GALNT13: variants seen among roughly 807,000 people sequenced by gnomAD.
GALNT13 encodes the protein polypeptide N-acetylgalactosaminyltransferase 13, also known as UDP-GalNAc:polypeptide N-acetylgalactosaminyltransferase 13.
Under a neutral mutation model 64.2 loss-of-function variants are expected in GALNT13, and 28 were observed. The ratio of observed to expected loss-of-function variants is 0.44; its 90% confidence interval spans 0.32 to 0.60. The LOEUF is 0.60. Among genes scored for constraint, GALNT13 ranks in the 20% least tolerant of loss-of-function variants. The pLI is 0.05. For missense variants in GALNT13, 577 were observed against 669.8 expected (o/e 0.86, Z 1.53); for synonymous variants, 214 against 224.6 (o/e 0.95, Z 0.42).
At chr2:153,748,407 A>T in the GALNT13 span, among the ~76,000 whole-genome samples, 1 of 152,048 alleles carries the variant, frequency 6.6e-6, no homozygotes, top group East Asian at 1.9e-4. Flanking sequence ...AGTGTACAAG[A>T]GTTCCCTTTT....
chr2:153,646,469 A>G, the GALNT13 span, among the ~76,000 whole-genome samples: 1 of 141,626 alleles, frequency 7.1e-6, no homozygotes. Context: ...ATATATATAT[A>G]TATTTTATTA....
intron 9 of GALNT13, among the ~76,000 whole-genome samples, chr2:154,382,585 T>C (rs543714697): frequency 1.1e-4 from 17 of 152,116 alleles, no homozygotes; most frequent in Non-Finnish European, 1.3e-4. Context: ...AAACTCATGG[T>C]TATTGAAATT....
intron 4 of GALNT13, among the ~76,000 whole-genome samples, chr2:154,180,985 C>G (rs1685929172): frequency 6.6e-6 from 1 of 152,128 alleles, no homozygotes; most frequent in Non-Finnish European, 1.5e-5. Flanking sequence ...TCCACAGCCA[C>G]CGGTGAGTGG....
At chr2:153,979,160 G>A (rs1336779437) in intron 3 of GALNT13, among the ~76,000 whole-genome samples, 1 of 151,910 alleles carries the variant, frequency 6.6e-6, no homozygotes, top group Non-Finnish European at 1.5e-5. Flanking sequence ...TCCAAGAAAA[G>A]CTCACACACA....
intron 9 of GALNT13, among the ~76,000 whole-genome samples, chr2:154,349,914 G>A (rs707029): frequency 0.99 from 151,487 of 152,318 alleles, 75,334 homozygotes; most frequent in Middle Eastern, 1. Flanking sequence ...GAGGAGTCCA[G>A]TGGAAGTATC....
At chr2:153,261,496 ACT>A in the GALNT13 span, among the ~76,000 whole-genome samples, 2 of 151,828 alleles carry the variant, frequency 1.3e-5, no homozygotes, top group Non-Finnish European at 2.9e-5. Context: ...CCAGGTAGAG[ACT>A]CTTGTTTTCT....
At chr2:153,236,555 C>T in the GALNT13 span, among the ~76,000 whole-genome samples, 1 of 152,062 alleles carries the variant, frequency 6.6e-6, no homozygotes, top group Non-Finnish European at 1.5e-5. Flanking sequence ...ATCTATTCTC[C>T]TTGCATGTGC....
chr2:153,847,252 A>G, the GALNT13 span, among the ~76,000 whole-genome samples: 2 of 152,142 alleles, frequency 1.3e-5, no homozygotes, highest in Non-Finnish European at 2.9e-5. Flanking sequence ...TTATATAGAA[A>G]GAATTACGAG....
At chr2:154,118,058 A>AT (rs1302722833) in intron 3 of GALNT13, among the ~76,000 whole-genome samples, 1 of 152,176 alleles carries the variant, frequency 6.6e-6, no homozygotes, top group Non-Finnish European at 1.5e-5. Context: ...TTTTGAACCA[A>AT]TTACTCCCTT....
At chr2:153,745,267 G>A in the GALNT13 span, among the ~76,000 whole-genome samples, 1 of 152,092 alleles carries the variant, frequency 6.6e-6, no homozygotes, top group Admixed American at 6.6e-5. Context: ...AACAGGTTAT[G>A]TACAAAAAAG....
intron 9 of GALNT13, among the ~76,000 whole-genome samples, chr2:154,320,818 G>A (rs945697355): frequency 2.2e-4 from 34 of 152,078 alleles, no homozygotes; most frequent in Non-Finnish European, 4.6e-4. Context: ...ATCTTTCTCT[G>A]TATAAACCTA....
chr2:153,345,705 CTT>C, the GALNT13 span, among the ~76,000 whole-genome samples: 1 of 89,004 alleles, frequency 1.1e-5, no homozygotes, highest in Non-Finnish European at 2.4e-5. Context: ...CTTTCTTTCT[CTT>C]TCTCTCTTTC....
chr2:154,127,091 A>AT (rs1437993263), intron 3 of GALNT13, among the ~76,000 whole-genome samples: 1 of 152,192 alleles, frequency 6.6e-6, no homozygotes, highest in Non-Finnish European at 1.5e-5. Flanking sequence ...TTTAAAAAAA[A>AT]GTTTCATATT....
the GALNT13 span, among the ~76,000 whole-genome samples, chr2:153,393,456 A>G: frequency 6.6e-6 from 1 of 152,098 alleles, no homozygotes; most frequent in Non-Finnish European, 1.5e-5. Context: ...TCCAACCATT[A>G]GGAAAAGTTT....
chr2:153,658,969 C>T, the GALNT13 span, among the ~76,000 whole-genome samples: 1 of 151,988 alleles, frequency 6.6e-6, no homozygotes, highest in Non-Finnish European at 1.5e-5. Context: ...ATATTTAGAA[C>T]ACTGTACTCA....
chr2:154,404,830 G>A (rs1171093826), intron 10 of GALNT13, among the ~76,000 whole-genome samples: 1 of 151,672 alleles, frequency 6.6e-6, no homozygotes, highest in Non-Finnish European at 1.5e-5. Context: ...AAATAGAAGG[G>A]TAATTTTTTT....
chr2:153,265,393 T>A, the GALNT13 span, among the ~76,000 whole-genome samples: 1 of 152,176 alleles, frequency 6.6e-6, no homozygotes, highest in Non-Finnish European at 1.5e-5. Context: ...ATGACCTAAA[T>A]GTTCTCTCCA....
chr2:154,364,056 G>T (rs544046595), intron 9 of GALNT13, among the ~76,000 whole-genome samples: 1 of 152,118 alleles, frequency 6.6e-6, no homozygotes, highest in Admixed American at 6.5e-5. Context: ...TATATTGAAT[G>T]GAATAAAATG....
At chr2:153,308,407 C>G in the GALNT13 span, among the ~76,000 whole-genome samples, 1 of 152,102 alleles carries the variant, frequency 6.6e-6, no homozygotes. Flanking sequence ...GCTATAAAAT[C>G]ACTTATTTAA....
Sources: gnomAD v4.1 joint callset for allele counts (sites outside exome capture counted in the v4.1 genomes callset) on GRCh38, gnomAD v4.1.1 for gene constraint, MANE v1.5 for transcripts, NCBI Gene and HGNC (gene_info 2026-07-23, HGNC 2026-07-21) for gene names.